The following PTPRF variants were observed in gnomAD, a reference collection of about 807,000 sequenced individuals.
The protein encoded by PTPRF is protein tyrosine phosphatase receptor type F.
Under a neutral mutation model 201.8 loss-of-function variants are expected in PTPRF, and 59 were observed. The ratio of observed to expected loss-of-function variants is 0.29; its 90% CI spans 0.24 to 0.36. The LOEUF (loss-of-function observed/expected upper bound fraction) is 0.36, where lower values mean the gene tolerates loss of function less well. PTPRF is among the 10% of genes least tolerant of loss of function. The pLI, the probability that PTPRF is intolerant of heterozygous loss-of-function variation, is 1.00. For synonymous variants in PTPRF, 1,088 were observed against 1,089.7 expected (o/e 1.00, Z 0.03); for missense variants, 2,132 against 2,690.5 (o/e 0.79, Z 4.59).
Position 43,545,008 on chromosome 1 carries a change from C to T in PTPRF, c.-45-23C>T, listed in dbSNP as rs1357037816. On this transcript the variant is annotated intron_variant, in intron 2 of 33. Coordinates refer to ENST00000359947, the MANE Select transcript of PTPRF (RefSeq NM_002840.5). ...ACAGCAGTAAATACCAGCTAACTGG[C>T]TCTGCCCTTCTCTCCATTACAGGTT... 4 of 1,388,596 alleles carry T rather than the reference C, an allele frequency of 2.9e-6. No individual in the cohort carries two copies. The African/African-American group carries it at 4.3e-5, about 15-fold the overall frequency. 86.0% of individuals were successfully genotyped at this position (1,388,596 alleles called of 1,614,324 possible). A position where few individuals can be genotyped will look rare whatever the true frequency, so the allele number is the denominator to read the frequency against.
rs189442544 is a variant in PTPRF at position 43,603,599 on chromosome 1, G to C, written c.2459-12G>C. The C allele has an allele frequency of 6.2e-6, 10 of 1,612,450 alleles. No homozygotes were observed. The highest frequency in any genetic ancestry group is 1.3e-5 in the African/African-American group (1 of 74,902). On this transcript the variant is annotated splice_polypyrimidine_tract_variant and intron_variant, in intron 15 of 33. Transcript: ENST00000359947. The surrounding 1 kb of genome is among the most constrained non-coding windows in gnomAD (Gnocchi z 5.8). ...GGAGGGCAGCGCCAGAGCCCAGCCC[G>C]TGGTCCTTCAGTCCCAGGCCGGCCC... is the stretch of plus-strand genomic sequence containing the variant.
intron 1 of PTPRF, 94 bp downstream of exon 1, chr1:43,531,184 G>GGGC (rs1380497169): frequency 6.6e-6 from 1 of 150,512 alleles, no homozygotes; most frequent in African/African-American, 2.4e-5. Context: ...GCGGAGCTGG[G>GGGC]GGCGGTCCCG....
intron 6 of PTPRF, among the ~76,000 whole-genome samples, chr1:43,572,359 C>G (rs192088332): frequency 1.0e-3 from 152 of 152,356 alleles, no homozygotes; most frequent in African/African-American, 3.6e-3. Flanking sequence ...TTCTGCTTTC[C>G]AGGTCCAAGG....
At position 43,569,592 on chromosome 1, in the gene PTPRF, G is replaced by A. The variant is rs750476610; in HGVS notation, c.382G>A (p.Glu128Lys). The change falls in exon 6 of 34, where the codon GAA (glutamate) becomes AAA (lysine). Residue 128 changes from glutamate to lysine, a missense_variant and splice_region_variant. Coordinates refer to ENST00000359947, the MANE Select transcript of PTPRF (RefSeq NM_002840.5). ...TSAKLSVLEE[E>K]QLPPGFPSID... is the part of the protein sequence containing the mutation. Reference sequence around the variant, plus strand: ...CACACATTGCTGTTTGTCTGCAGAGGAACAGCTGCCCCCTGGGTTCCCTTC... The same window carrying A: ...CACACATTGCTGTTTGTCTGCAGAGAAACAGCTGCCCCCTGGGTTCCCTTC... 1.2e-6 allele frequency: 2 copies of A among 1,601,954 alleles called. No individual in the cohort carries two copies. Among genetic ancestry groups the A allele is most frequent in the African/African-American group, 1.3e-5 (1 of 74,778 alleles).
At chr1:43,543,309 C>T (rs1291547073) in intron 2 of PTPRF, among the ~76,000 whole-genome samples, 1 of 152,234 alleles carries the variant, frequency 6.6e-6, no homozygotes, top group Admixed American at 6.5e-5. Flanking sequence ...GACCTCCATC[C>T]CACTGTGGCC....
Position 43,617,573 on chromosome 1 carries a change from G to A in PTPRF, c.4195+5G>A. The A allele has an allele frequency of 1.2e-6, 2 of 1,613,826 alleles. No individual in the cohort carries two copies. Among genetic ancestry groups the A allele is most frequent in the Non-Finnish European group, 8.5e-7 (1 of 1,179,954 alleles). ...TCATCCTTACCTCTATCGATGGTGA[G>A]CCAAGGGGGTGCCCCTCCCATCCCC... On this transcript the variant is annotated splice_donor_5th_base_variant and intron_variant, in intron 24 of 33. Coordinates refer to ENST00000359947, the MANE Select transcript of PTPRF (RefSeq NM_002840.5).
At chr1:43,584,196 C>G (rs956473396) in intron 7 of PTPRF, among the ~76,000 whole-genome samples, 1 of 152,278 alleles carries the variant, frequency 6.6e-6, no homozygotes, top group South Asian at 2.1e-4. Flanking sequence ...AGAGGAGACT[C>G]ACCTGTCCAT....
chr1:43,592,265 T>C (rs1229612080), intron 10 of PTPRF, among the ~76,000 whole-genome samples, 192 bp from the exon 11 acceptor site: 1 of 152,120 alleles, frequency 6.6e-6, no homozygotes, highest in Non-Finnish European at 1.5e-5. Flanking sequence ...CTGTGGTCCA[T>C]GTGGTCTGTG....
chr1:43,568,269 T>A (rs1431341155), intron 5 of PTPRF, among the ~76,000 whole-genome samples: 1 of 143,564 alleles, frequency 7.0e-6, no homozygotes. Flanking sequence ...CACTCCAGCC[T>A]GGGCAGCAGA....
chr1:43,595,515 C>T (rs1274898022), intron 11 of PTPRF, among the ~76,000 whole-genome samples: 1 of 152,120 alleles, frequency 6.6e-6, no homozygotes, highest in Non-Finnish European at 1.5e-5. Context: ...CCACCGCGCC[C>T]GGCCTGGGAT....
chr1:43,545,825 T>C (rs919227968), intron 3 of PTPRF, among the ~76,000 whole-genome samples: 1 of 151,968 alleles, frequency 6.6e-6, no homozygotes, highest in African/African-American at 2.4e-5. Context: ...TGGAGGGAGG[T>C]GGAATTGTCC....
chr1:43,581,062 G>T (rs918473770), intron 7 of PTPRF, among the ~76,000 whole-genome samples: 5 of 152,218 alleles, frequency 3.3e-5, no homozygotes, highest in African/African-American at 1.2e-4. Flanking sequence ...TTTGGAGATC[G>T]ACTGAGCTCA....
intron 1 of PTPRF, among the ~76,000 whole-genome samples, chr1:43,535,909 A>G (rs1570888457): frequency 6.6e-6 from 1 of 152,082 alleles, no homozygotes; most frequent in East Asian, 1.9e-4. Context: ...TGAGTAACTG[A>G]GACTACAGGT....
chr1:43,599,742 A>C (rs991974882), intron 13 of PTPRF, among the ~76,000 whole-genome samples: 1 of 151,686 alleles, frequency 6.6e-6, no homozygotes, highest in African/African-American at 2.4e-5. Context: ...CTGGGGGGTT[A>C]TGAGAGTGGT....
chr1:43,582,326 C>T (rs1472401446), intron 7 of PTPRF, among the ~76,000 whole-genome samples: 1 of 152,232 alleles, frequency 6.6e-6, no homozygotes, highest in Non-Finnish European at 1.5e-5. Context: ...ATGTGTCATC[C>T]AGTTACATCT....
At chr1:43,557,432 G>A (rs557650626) in intron 5 of PTPRF, among the ~76,000 whole-genome samples, 6 of 152,296 alleles carry the variant, frequency 3.9e-5, no homozygotes, top group South Asian at 2.1e-4. Context: ...TCAGGAGTTC[G>A]AGACCAGCCT....
chr1:43,535,119 T>C (rs1461092485), intron 1 of PTPRF, among the ~76,000 whole-genome samples: 2 of 152,078 alleles, frequency 1.3e-5, no homozygotes, highest in African/African-American at 4.8e-5. Flanking sequence ...CTGCTAAGGT[T>C]AGGGTCCCTG....
At chr1:43,568,774 C>A (rs1004992672) in intron 5 of PTPRF, among the ~76,000 whole-genome samples, 1 of 152,186 alleles carries the variant, frequency 6.6e-6, no homozygotes, top group African/African-American at 2.4e-5. Context: ...GTTCCTCTTA[C>A]TCTATGCTAG....
At chr1:43,617,424 C>T (rs759444260) in intron 23 of PTPRF, 21 bp from the exon 24 acceptor site, 39 of 1,613,948 alleles carry the variant, frequency 2.4e-5, no homozygotes, top group Admixed American at 3.3e-5. Flanking sequence ...CCACCCCACC[C>T]GCTTTCTCCA....
Sources: gnomAD v4.1 joint callset for allele counts (sites outside exome capture counted in the v4.1 genomes callset) on GRCh38, gnomAD v4.1.1 for gene constraint, Gnocchi (gnomAD v3.1) non-coding constraint, MANE v1.5 for transcripts, NCBI Gene and HGNC (gene_info 2026-07-23, HGNC 2026-07-21) for gene names.